Variants in RASSF9 observed in about 807,000 individuals in gnomAD.
The protein encoded by RASSF9 is Ras association domain family member 9, also known as ras association domain-containing protein 9.
A neutral mutation model predicts 21.4 loss-of-function variants in RASSF9; 18 were observed. That is an observed-to-expected ratio of 0.84 (90% CI 0.58 to 1.25). The LOEUF (loss-of-function observed/expected upper bound fraction) is 1.25. Among genes scored for constraint, RASSF9 ranks in the 50% most tolerant of loss-of-function variants. RASSF9 has a pLI of 0.00. For synonymous variants in RASSF9, 183 were observed against 179.1 expected (o/e 1.02, Z -0.18); for missense variants, 480 against 503.2 (o/e 0.95, Z 0.44).
At position 85,801,320 on chromosome 12, in the gene RASSF9, A is replaced by G. The variant is rs2136546414; in HGVS notation, c.*3382T>C. ...AAATGTATAAGGTCAATTACTGTTA[A>G]TGTTTTAAGTCTGCTAAAATACGTA... On this transcript the variant is annotated 3_prime_UTR_variant, in exon 2 of 2. Transcript: ENST00000361228. The G allele has an allele frequency of 6.6e-6, 1 of 152,310 alleles. No individual in the cohort carries two copies. The highest frequency in any genetic ancestry group is 6.5e-5 in the Admixed American group (1 of 15,288). 9.4% of individuals were successfully genotyped at this position (152,310 alleles called of 1,614,324 possible).
intron 1 of RASSF9, among the ~76,000 whole-genome samples, chr12:85,819,401 A>C (rs1322347503): frequency 1.3e-5 from 2 of 152,166 alleles, no homozygotes; most frequent in Non-Finnish European, 2.9e-5. Flanking sequence ...TATGGATTTT[A>C]AATACGAAAA....
chr12:85,803,721 T>A lies in RASSF9; in HGVS notation c.*981A>T, dbSNP rs1565750321. 1 of 152,194 alleles carries A rather than the reference T, an allele frequency of 6.6e-6. No individual in the cohort carries two copies. Among genetic ancestry groups the A allele is most frequent in the Non-Finnish European group, 1.5e-5 (1 of 68,022 alleles). 9.4% of individuals were successfully genotyped at this position (152,194 alleles called of 1,614,324 possible). ...GGTACTTTTTTAGGAACTAAGTCTC[T>A]TTTAAGCACTTTAGATGAAGAAATA... On this transcript the variant is annotated 3_prime_UTR_variant, in exon 2 of 2. Transcript: ENST00000361228.
chr12:85,832,878 A>G lies in RASSF9; in HGVS notation c.47+3277T>C, dbSNP rs1341300988. On this transcript the variant is annotated intron_variant, in intron 1 of 1. Transcript: ENST00000361228. ...ATTCTCTTAAAACCGAAGTCTTCCA[A>G]TTAAACATTACTACAATTAGAAAAA... Among the ~76,000 whole-genome samples the G allele has an allele frequency of 6.6e-5, 10 of 152,086 alleles. No homozygotes were observed. In the East Asian group the frequency reaches 1.9e-3, roughly 29 times the overall value.
At chr12:85,814,566 A>C (rs896301084) in intron 1 of RASSF9, among the ~76,000 whole-genome samples, 1 of 152,018 alleles carries the variant, frequency 6.6e-6, no homozygotes, top group Non-Finnish European at 1.5e-5. Context: ...AAATTTATTA[A>C]AGCAAAAATA....
At chr12:85,808,705 T>G (rs1470958905) in intron 1 of RASSF9, among the ~76,000 whole-genome samples, 1 of 150,964 alleles carries the variant, frequency 6.6e-6, no homozygotes, top group South Asian at 2.1e-4. Context: ...TAACATTTTT[T>G]GTACCACATA....
intron 1 of RASSF9, among the ~76,000 whole-genome samples, chr12:85,835,568 T>C (rs1880541244): frequency 6.6e-6 from 1 of 152,140 alleles, no homozygotes; most frequent in Non-Finnish European, 1.5e-5. Context: ...TTCTCAAAGA[T>C]TTTTTAAAGA....
chr12:85,826,274 G>A (rs1439145880), intron 1 of RASSF9, among the ~76,000 whole-genome samples: 1 of 152,018 alleles, frequency 6.6e-6, no homozygotes, highest in Non-Finnish European at 1.5e-5. Flanking sequence ...CCAAAATCTA[G>A]TCACGAATGG....
chr12:85,805,593 T>C lies in RASSF9; in HGVS notation c.417A>G (p.Lys139=), dbSNP rs758524399. The change falls in exon 2 of 2, where the codon AAA becomes AAG. Residue 139 remains lysine (K), a synonymous_variant. Coordinates refer to ENST00000361228, the MANE Select transcript of RASSF9 (RefSeq NM_005447.4). ...AGTTTGCTGGGCTGAGCTCCCACAATTTTTCTGTGTTTTGCACTAATTTGG... is the reference window on the plus strand; with the variant it reads ...AGTTTGCTGGGCTGAGCTCCCACAACTTTTCTGTGTTTTGCACTAATTTGG... ...AEAKLVQNTE[K]LWELSPANYM... is the part of the protein sequence containing the mutation. The C allele has an allele frequency of 1.9e-6, 3 of 1,613,948 alleles. No homozygotes were observed. The South Asian group carries it at 3.3e-5, about 18-fold the overall frequency.
intron 1 of RASSF9, among the ~76,000 whole-genome samples, chr12:85,819,033 GA>G (rs1308594233): frequency 6.8e-6 from 1 of 146,672 alleles, no homozygotes; most frequent in Non-Finnish European, 1.5e-5. Flanking sequence ...AATAAATATT[GA>G]ATTGCCCGTT....
chr12:85,836,118 G>A, intron 1 of RASSF9, 37 bp downstream of exon 1: 3 of 1,542,638 alleles, frequency 1.9e-6, no homozygotes, highest in Non-Finnish European at 2.6e-6. Context: ...CACACACACA[G>A]AGACACACAC....
chr12:85,810,347 C>T (rs1489356374), intron 1 of RASSF9, among the ~76,000 whole-genome samples: 1 of 151,858 alleles, frequency 6.6e-6, no homozygotes, highest in Non-Finnish European at 1.5e-5. Flanking sequence ...TGGTGGGAAA[C>T]AGTGCCAGGG....
In RASSF9 at chr12:85,801,490, C is replaced by A; in HGVS notation, c.*3212G>T. ...AAGAAGTTAATAGGAAAGAGTAAGGCTAACAAGACAGATGATAAAGTAATT... is the reference window on the plus strand; with the variant it reads ...AAGAAGTTAATAGGAAAGAGTAAGGATAACAAGACAGATGATAAAGTAATT... On this transcript the variant is annotated 3_prime_UTR_variant, in exon 2 of 2. Transcript: ENST00000361228. The A allele has an allele frequency of 6.6e-6, 1 of 152,218 alleles. No homozygotes were observed. The highest frequency in any genetic ancestry group is 1.5e-5 in the Non-Finnish European group (1 of 68,012). 9.4% of individuals were successfully genotyped at this position (152,218 alleles called of 1,614,324 possible). A position where few individuals can be genotyped will look rare whatever the true frequency, so the allele number is the denominator to read the frequency against.
chr12:85,828,877 G>A (rs1174984079), intron 1 of RASSF9, among the ~76,000 whole-genome samples: 1 of 152,014 alleles, frequency 6.6e-6, no homozygotes, highest in Admixed American at 6.6e-5. Context: ...CATATGAGAA[G>A]GTAGTTATTA....
At chr12:85,818,998 T>C (rs989678395) in intron 1 of RASSF9, among the ~76,000 whole-genome samples, 1 of 151,584 alleles carries the variant, frequency 6.6e-6, no homozygotes, top group African/African-American at 2.4e-5. Context: ...TAAAATTATT[T>C]TGTAATTTCT....
At chr12:85,814,933 C>G (rs1179906406) in intron 1 of RASSF9, among the ~76,000 whole-genome samples, 2 of 151,824 alleles carry the variant, frequency 1.3e-5, no homozygotes, top group Non-Finnish European at 2.9e-5. Flanking sequence ...TGGTGGAGAC[C>G]CATGCAGTGA....
chr12:85,830,024 T>A (rs1880415141), intron 1 of RASSF9, among the ~76,000 whole-genome samples: 1 of 152,142 alleles, frequency 6.6e-6, no homozygotes, highest in Admixed American at 6.6e-5. Context: ...TTACCCATCC[T>A]AAAGAAACAA....
At chr12:85,836,027 G>A in intron 1 of RASSF9, 128 bp downstream of exon 1, 1 of 1,515,774 alleles carries the variant, frequency 6.6e-7, no homozygotes, top group Non-Finnish European at 8.8e-7. Flanking sequence ...GTGTCCCCAC[G>A]AAGCCTTTTT....
intron 1 of RASSF9, among the ~76,000 whole-genome samples, chr12:85,814,692 CA>C (rs1217204969): frequency 2.0e-5 from 3 of 151,630 alleles, no homozygotes; most frequent in Admixed American, 6.6e-5. Context: ...ATCCCATCAT[CA>C]ACCTTTATGC....
At chr12:85,829,200 A>G (rs1375318937) in intron 1 of RASSF9, among the ~76,000 whole-genome samples, 2 of 152,284 alleles carry the variant, frequency 1.3e-5, no homozygotes, top group East Asian at 3.9e-4. Context: ...ACCAGAGGGC[A>G]TATCAATAGG....
Sources: allele counts gnomAD v4.1 joint callset (sites outside exome capture counted in the v4.1 genomes callset), GRCh38; gene constraint gnomAD v4.1.1; transcripts MANE v1.5; gene names NCBI Gene and HGNC (gene_info 2026-07-23, HGNC 2026-07-21).